PDE3A: variants seen among roughly 807,000 people sequenced by gnomAD.
PDE3A encodes cGMP-inhibited 3',5'-cyclic phosphodiesterase 3A.
Under a neutral mutation model 98.3 loss-of-function variants are expected in PDE3A, and 43 were observed. The observed-to-expected ratio is 0.44, with a 90% confidence interval of 0.34 to 0.56. PDE3A has a LOEUF of 0.56. PDE3A is among the 20% of genes least tolerant of loss of function. The probability of loss-of-function intolerance (pLI) is 0.01; values close to 1 mark genes in which losing one functional copy is unlikely to be tolerated. For synonymous variants in PDE3A, 663 were observed against 567.9 expected (o/e 1.17, Z -2.38); for missense variants, 1,427 against 1,440.7 (o/e 0.99, Z 0.15).
Position 20,400,379 on chromosome 12 carries a change from G to GTTTTTTTTTTTTTTT in PDE3A, c.960+30166_960+30180dup, listed in dbSNP as rs75851941. Reference sequence around the variant, plus strand: ...AGCTCATGTTGACTCGTTAACATTGGTTTTTTTTTTTTTTTTTTTTTTTTT... The same window carrying GTTTTTTTTTTTTTTT: ...AGCTCATGTTGACTCGTTAACATTGGTTTTTTTTTTTTTTTTTTTTTTTTTTTTTTTTTTTTTTTT... On this transcript the variant is annotated intron_variant, in intron 1 of 15. Coordinates refer to ENST00000359062, the MANE Select transcript of PDE3A (RefSeq NM_000921.5). Among the ~76,000 whole-genome samples the GTTTTTTTTTTTTTTT allele has an allele frequency of 3.3e-4, 36 of 110,278 alleles. 3 individuals carry two copies. The highest frequency in any genetic ancestry group is 4.0e-4 in the Non-Finnish European group (23 of 57,398). The allele number at this position is 110,278 out of a possible 152,430, so 72.3% of individuals were successfully genotyped here.
intron 1 of PDE3A, 51 bp from the exon 2 acceptor site, chr12:20,556,609 G>A (rs960648844): frequency 4.4e-6 from 5 of 1,134,482 alleles, no homozygotes; most frequent in South Asian, 2.6e-5. Flanking sequence ...GAAGAAAAAT[G>A]TTTGTCAGGT....
At chr12:20,517,143 A>T (rs772972561) in intron 1 of PDE3A, among the ~76,000 whole-genome samples, 46 of 152,364 alleles carry the variant, frequency 3.0e-4, no homozygotes, top group Non-Finnish European at 6.0e-4. Flanking sequence ...CTAGAAAATG[A>T]TAAGTAATTT....
Position 20,680,419 on chromosome 12 carries a change from AT to A in PDE3A, c.*153del. ...GGGATTCTTCGCATTTTGTGTGTAT[AT>A]TTTTACAGTGAGGTACATTGTTAAA... is the stretch of plus-strand genomic sequence containing the variant. On this transcript the variant is annotated 3_prime_UTR_variant, in exon 16 of 16. Coordinates refer to ENST00000359062, the MANE Select transcript of PDE3A (RefSeq NM_000921.5). The A allele has an allele frequency of 2.4e-6, 2 of 816,650 alleles. No homozygotes were observed. The highest frequency in any genetic ancestry group is 3.8e-6 in the Non-Finnish European group (2 of 521,658). The allele number at this position is 816,650 out of a possible 1,614,324, so 50.6% of individuals were successfully genotyped here.
At chr12:20,677,244 G>T (rs561263447) in intron 15 of PDE3A, among the ~76,000 whole-genome samples, 45 of 152,040 alleles carry the variant, frequency 3.0e-4, no homozygotes, top group Admixed American at 9.2e-4. Flanking sequence ...ATTATGAATT[G>T]TTTTTCTGAG....
At chr12:20,425,822 G>A (rs558558618) in intron 1 of PDE3A, among the ~76,000 whole-genome samples, 1 of 152,272 alleles carries the variant, frequency 6.6e-6, no homozygotes, top group Admixed American at 6.5e-5. Flanking sequence ...TGATGATTAT[G>A]AGCCTCAATT....
chr12:20,646,750 G>C lies in PDE3A; in HGVS notation c.2366-1G>C. 1 of 1,595,688 alleles carries C rather than the reference G, an allele frequency of 6.3e-7. No individual in the cohort carries two copies. Among genetic ancestry groups the C allele is most frequent in the Non-Finnish European group, 8.6e-7 (1 of 1,163,434 alleles). On this transcript the variant is annotated splice_acceptor_variant, in intron 11 of 15. Transcript: ENST00000359062. LOFTEE classifies it high-confidence loss of function. ...CTTTGACTCTCATTTTCTCTTCTCAGATTCTGACAGTGGATTTACACATGG... is the reference window on the plus strand; with the variant it reads ...CTTTGACTCTCATTTTCTCTTCTCACATTCTGACAGTGGATTTACACATGG...
chr12:20,654,948 A>T (rs1803526578), intron 15 of PDE3A, among the ~76,000 whole-genome samples: 1 of 152,088 alleles, frequency 6.6e-6, no homozygotes, highest in African/African-American at 2.4e-5. Context: ...CATTCAACAG[A>T]CATTTATTGA....
At chr12:20,540,916 A>G (rs1163791318) in intron 1 of PDE3A, among the ~76,000 whole-genome samples, 3 of 151,848 alleles carry the variant, frequency 2.0e-5, no homozygotes, top group Non-Finnish European at 2.9e-5. Flanking sequence ...TAAAGCAAAG[A>G]GAATGTGTTT....
chr12:20,500,163 A>G (rs1945996226), intron 1 of PDE3A, among the ~76,000 whole-genome samples: 1 of 152,198 alleles, frequency 6.6e-6, no homozygotes, highest in South Asian at 2.1e-4. Flanking sequence ...GTATTATGAG[A>G]ATATTTAAAT....
intron 7 of PDE3A, among the ~76,000 whole-genome samples, chr12:20,634,691 T>G (rs897936836): frequency 2.6e-5 from 4 of 152,202 alleles, no homozygotes; most frequent in Non-Finnish European, 2.9e-5. Context: ...TTGAATGTCA[T>G]GCGGATTACA....
chr12:20,495,535 T>C (rs1207501912), intron 1 of PDE3A, among the ~76,000 whole-genome samples: 1 of 152,234 alleles, frequency 6.6e-6, no homozygotes, highest in Non-Finnish European at 1.5e-5. Flanking sequence ...GGCATTTTTT[T>C]CTGTATTAAG....
intron 1 of PDE3A, among the ~76,000 whole-genome samples, chr12:20,463,985 T>C (rs1408562268): frequency 1.3e-5 from 2 of 152,178 alleles, no homozygotes; most frequent in African/African-American, 4.8e-5. Context: ...TTCCACTTAA[T>C]TTATTTCTTT....
At chr12:20,663,764 G>A (rs1945238685) in intron 15 of PDE3A, among the ~76,000 whole-genome samples, 1 of 152,158 alleles carries the variant, frequency 6.6e-6, no homozygotes, top group Non-Finnish European at 1.5e-5. Flanking sequence ...TCTCAGATGA[G>A]ACCTTGGACT....
At chr12:20,502,598 A>T (rs1020162134) in intron 1 of PDE3A, among the ~76,000 whole-genome samples, 1 of 152,168 alleles carries the variant, frequency 6.6e-6, no homozygotes, top group African/African-American at 2.4e-5. Context: ...TAGCAAATAG[A>T]ATGCATGTGT....
intron 1 of PDE3A, among the ~76,000 whole-genome samples, chr12:20,415,709 T>C (rs925421152): frequency 5.3e-5 from 8 of 152,198 alleles, no homozygotes; most frequent in Admixed American, 2.6e-4. Context: ...AGTGCTAGGA[T>C]TACAGGCGTG....
chr12:20,431,496 G>C (rs1944695943), intron 1 of PDE3A, among the ~76,000 whole-genome samples: 2 of 151,998 alleles, frequency 1.3e-5, no homozygotes, highest in Admixed American at 6.6e-5. Context: ...TTATGTTTAA[G>C]ATGGGGGCAT....
At chr12:20,578,474 TACACACACACACACAC>T (rs5796870) in intron 2 of PDE3A, among the ~76,000 whole-genome samples, 3 of 148,462 alleles carry the variant, frequency 2.0e-5, no homozygotes, top group Non-Finnish European at 3.0e-5. Context: ...ATACAACTAA[TACACACACACACACAC>T]ACACACACAC....
At chr12:20,645,724 T>C (rs1944761437) in intron 10 of PDE3A, among the ~76,000 whole-genome samples, 2 of 152,068 alleles carry the variant, frequency 1.3e-5, no homozygotes, top group Non-Finnish European at 2.9e-5. Flanking sequence ...ATGTGGAGTA[T>C]GACCCCCTTC....
At chr12:20,631,700 A>ATTTTTTT (rs58133440) in intron 6 of PDE3A, among the ~76,000 whole-genome samples, 40 of 116,856 alleles carry the variant, frequency 3.4e-4, no homozygotes, top group East Asian at 5.9e-4. Flanking sequence ...ATCATAGTGT[A>ATTTTTTT]TTTTTTTTTT....
Sources: allele counts gnomAD v4.1 joint callset (sites outside exome capture counted in the v4.1 genomes callset), GRCh38; gene constraint gnomAD v4.1.1; transcripts MANE v1.5; gene names NCBI Gene and HGNC (gene_info 2026-07-23, HGNC 2026-07-21).